The following PPP1R12B variants were observed in gnomAD, a reference collection of about 807,000 sequenced individuals.
PPP1R12B encodes myosin phosphatase target subunit 2.
A neutral mutation model predicts 126.1 loss-of-function variants in PPP1R12B; 76 were observed. The observed-to-expected ratio is 0.60, with a 90% CI of 0.50 to 0.73. PPP1R12B has a LOEUF of 0.73. PPP1R12B is among the 30% of genes least tolerant of loss of function. The pLI, the probability that PPP1R12B is intolerant of heterozygous loss-of-function variation, is 0.00. For synonymous variants in PPP1R12B, 356 were observed against 434.7 expected, an observed-to-expected ratio of 0.82 and a Z score of 2.25; for missense variants, 1,052 against 1,205.1, an observed-to-expected ratio of 0.87 and a Z score of 1.88.
intron 17 of PPP1R12B, among the ~76,000 whole-genome samples, chr1:202,496,224 C>T (rs2148859849): frequency 6.6e-6 from 1 of 152,246 alleles, no homozygotes; most frequent in East Asian, 1.9e-4. Context: ...ACAGATATGC[C>T]AATGTTTACT....
chr1:202,563,277 C>T (rs1687710796), intron 20 of PPP1R12B, among the ~76,000 whole-genome samples: 1 of 152,166 alleles, frequency 6.6e-6, no homozygotes. Context: ...CCACCACACA[C>T]GGCTACATTT....
intron 18 of PPP1R12B, among the ~76,000 whole-genome samples, chr1:202,536,075 C>T (rs1684496129): frequency 6.6e-6 from 1 of 152,172 alleles, no homozygotes; most frequent in African/African-American, 2.4e-5. Context: ...TGTTTTGCTC[C>T]CATTTTACTG....
At chr1:202,475,372 C>T (rs1009981079) in intron 13 of PPP1R12B, among the ~76,000 whole-genome samples, 1 of 152,100 alleles carries the variant, frequency 6.6e-6, no homozygotes, top group African/African-American at 2.4e-5. Context: ...CATACTTTCC[C>T]AAGAATGGAG....
chr1:202,430,929 A>T, intron 7 of PPP1R12B, 119 bp downstream of exon 7: 2 of 1,378,884 alleles, frequency 1.5e-6, no homozygotes, highest in South Asian at 3.6e-5. Flanking sequence ...TGATCTATAA[A>T]CTTGTGGGAA....
intron 1 of PPP1R12B, among the ~76,000 whole-genome samples, chr1:202,359,093 C>G (rs927275517): frequency 2.6e-5 from 4 of 151,998 alleles, no homozygotes; most frequent in South Asian, 2.1e-4. Flanking sequence ...ATTTATAGAT[C>G]CTCATCTCCA....
intron 18 of PPP1R12B, among the ~76,000 whole-genome samples, chr1:202,517,735 C>G (rs1379760551): frequency 2.0e-5 from 3 of 151,962 alleles, no homozygotes; most frequent in Admixed American, 6.6e-5. Flanking sequence ...GAGCAGTTCT[C>G]CTGCCTCAGC....
chr1:202,566,408 T>C (rs1224895553), intron 21 of PPP1R12B, among the ~76,000 whole-genome samples: 2 of 152,218 alleles, frequency 1.3e-5, no homozygotes, highest in Non-Finnish European at 2.9e-5. Flanking sequence ...TGGAGTTGTT[T>C]GGCAGGACAG....
chr1:202,356,315 G>A (rs762132050), intron 1 of PPP1R12B, among the ~76,000 whole-genome samples: 1 of 152,126 alleles, frequency 6.6e-6, no homozygotes, highest in Non-Finnish European at 1.5e-5. Flanking sequence ...ATAAAGGTGA[G>A]AGTTGAAGTA....
intron 1 of PPP1R12B, among the ~76,000 whole-genome samples, chr1:202,412,937 G>T (rs1009744090): frequency 2.0e-5 from 3 of 152,146 alleles, no homozygotes; most frequent in Admixed American, 1.3e-4. Context: ...GACCAATTTA[G>T]TGATAAGCAT....
chr1:202,376,901 C>A (rs140380755), intron 1 of PPP1R12B, among the ~76,000 whole-genome samples: 329 of 152,266 alleles, frequency 2.2e-3, no homozygotes, highest in Non-Finnish European at 3.8e-3. Flanking sequence ...CCACGTGCGG[C>A]CCAGGACAGC....
intron 18 of PPP1R12B, among the ~76,000 whole-genome samples, chr1:202,542,181 T>C (rs542025229): frequency 2.6e-5 from 4 of 152,328 alleles, no homozygotes; most frequent in African/African-American, 7.2e-5. Flanking sequence ...GCCTAGTTCA[T>C]TTCCTCTCAT....
At chr1:202,377,743 G>A (rs1388392035) in intron 1 of PPP1R12B, among the ~76,000 whole-genome samples, 2 of 150,792 alleles carry the variant, frequency 1.3e-5, no homozygotes, top group East Asian at 3.9e-4. Context: ...GAACAGTAAA[G>A]TAAGATGTGA....
chr1:202,553,466 CATA>C (rs1182050992), intron 18 of PPP1R12B, among the ~76,000 whole-genome samples: 1 of 152,168 alleles, frequency 6.6e-6, no homozygotes, highest in Non-Finnish European at 1.5e-5. Flanking sequence ...GAGCATACAG[CATA>C]ATAAATTTGT....
chr1:202,488,482 A>G, intron 13 of PPP1R12B, 51 bp from the exon 14 acceptor site: 3 of 1,370,544 alleles, frequency 2.2e-6, no homozygotes, highest in Non-Finnish European at 3.1e-6. Flanking sequence ...TCATTCCTCA[A>G]GTATATGCAG....
intron 13 of PPP1R12B, chr1:202,462,958 C>G: frequency 1.0e-6 from 1 of 985,308 alleles, no homozygotes; most frequent in Admixed American, 6.1e-5. Context: ...ATCAGAGGCA[C>G]AGGAAGTTGA....
chr1:202,511,377 C>T (rs754985626), intron 18 of PPP1R12B, among the ~76,000 whole-genome samples: 5 of 151,860 alleles, frequency 3.3e-5, no homozygotes, highest in Admixed American at 6.6e-5. Context: ...CCACCATGCC[C>T]GGCTAATTTT....
chr1:202,379,060 C>A (rs906054551), intron 1 of PPP1R12B, among the ~76,000 whole-genome samples: 2 of 152,164 alleles, frequency 1.3e-5, no homozygotes, highest in African/African-American at 4.8e-5. Context: ...ATGTCGAGAT[C>A]TGTCTGACCC....
intron 13 of PPP1R12B, among the ~76,000 whole-genome samples, chr1:202,464,749 GTCA>G (rs1036078199): frequency 6.6e-6 from 1 of 152,176 alleles, no homozygotes; most frequent in Middle Eastern, 3.2e-3. Flanking sequence ...AGCATTCTAA[GTCA>G]TCAGTGACTG....
At chr1:202,533,533 A>G (rs530324855) in intron 18 of PPP1R12B, among the ~76,000 whole-genome samples, 2 of 152,010 alleles carry the variant, frequency 1.3e-5, no homozygotes, top group South Asian at 4.1e-4. Flanking sequence ...TGCCCAGGCT[A>G]ATCTTGAACC....
Sources: gnomAD v4.1 joint callset for allele counts (sites outside exome capture counted in the v4.1 genomes callset) on GRCh38, gnomAD v4.1.1 for gene constraint, MANE v1.5 for transcripts, NCBI Gene and HGNC (gene_info 2026-07-23, HGNC 2026-07-21) for gene names.